CPNE7: variants seen among roughly 807,000 people sequenced by gnomAD.
CPNE7 encodes the protein copine-7.
In CPNE7, 78 loss-of-function variants were observed where a neutral mutation model predicts 66.5. The observed-to-expected ratio is 1.17, with a 90% CI of 0.98 to 1.42. The LOEUF (loss-of-function observed/expected upper bound fraction) is 1.42. Among genes scored for constraint, CPNE7 ranks in the 40% most tolerant of loss-of-function variants. CPNE7 has a pLI of 0.00. For missense variants in CPNE7, 1,012 were observed against 776.6 expected, an observed-to-expected ratio of 1.30 and a Z score of -3.60; for synonymous variants, 468 against 336.7, an observed-to-expected ratio of 1.39 and a Z score of -4.27.
At chr16:89,590,839 C>G (rs34160994) in intron 11 of CPNE7, among the ~76,000 whole-genome samples, 168 bp from the exon 12 acceptor site, 46 of 80,704 alleles carry the variant, frequency 5.7e-4, no homozygotes, top group African/African-American at 2.4e-3. Context: ...GGGGGAGCAG[C>G]TGACCGAGCC....
rs768904315 is a variant in CPNE7, at chr16:89,588,867, C to T, written c.1061+59C>T. ...TCCAGGTCAGCTATGACAGGTGCGC[C>T]TGGCCGTCTTCCCCCTCACCCCCCT... On this transcript the variant is annotated intron_variant, in intron 10 of 14. Transcript: ENST00000319518. The T allele has an allele frequency of 1.8e-5, 29 of 1,598,084 alleles. 1 individual carries two copies. The highest frequency in any genetic ancestry group is 3.3e-4 in the Middle Eastern group (2 of 6,034).
At position 89,595,588 on chromosome 16, in the gene CPNE7, C is replaced by T. The variant is rs373956985; in HGVS notation, c.1524C>T (p.Phe508=). ...GGGACATCGTACAGTTCGTGCCCTT[C>T]CGGGAGCTCAAGAACGTGAGTGTCC... is the stretch of plus-strand genomic sequence containing the variant. ...ALRDIVQFVP[F]RELKNASPAA... is the part of the protein sequence containing the mutation. The change falls in exon 14 of 15, where the codon TTC becomes TTT. Residue 508 remains phenylalanine, a synonymous_variant. Transcript: ENST00000319518. 4.7e-5 allele frequency: 76 copies of T among 1,604,026 alleles called. No individual in the cohort carries two copies. The African/African-American group carries it at 8.8e-4, about 19-fold the overall frequency.
rs764108575 is a variant in CPNE7, at chr16:89,591,117, C to T, written c.1169-10C>T. ...GCAGGGGGGCCGGGCTCACCCCCTG[C>T]CCCCCACAGGCATCCAGGGCGTGGT... is the stretch of plus-strand genomic sequence containing the variant. On this transcript the variant is annotated splice_polypyrimidine_tract_variant and intron_variant, in intron 12 of 14. Transcript: ENST00000319518. 7 of 1,612,446 alleles carry T rather than the reference C, an allele frequency of 4.3e-6. No homozygotes were observed. The highest frequency in any genetic ancestry group is 4.5e-5 in the East Asian group (2 of 44,858).
chr16:89,577,801 C>A, intron 2 of CPNE7, 80 bp downstream of exon 2: 1 of 1,444,118 alleles, frequency 6.9e-7, no homozygotes, highest in East Asian at 2.5e-5. Flanking sequence ...GTACCAGCAC[C>A]GCAGGGACCC....
chr16:89,585,707 C>A lies in CPNE7; in HGVS notation c.702C>A (p.Asp234Glu), dbSNP rs928553824. 1.3e-6 allele frequency: 2 copies of A among 1,551,094 alleles called. No homozygotes were observed. Among genetic ancestry groups the A allele is most frequent in the African/African-American group, 2.8e-5 (2 of 72,130 alleles). The stretch of plus-strand genomic sequence containing the variant: ...CCCAGTGCCTGGTCTGGGATTACGA[C>A]TCTCGAGGAAAGCACGACTTCATCG... ...RPLKCLVWDY[D>E]SRGKHDFIGE... Residue 234 changes from aspartate (D) to glutamate (E), a missense_variant, in exon 7 of 15, where the codon GAC (aspartate) becomes GAA (glutamate). Transcript: ENST00000319518.
intron 1 of CPNE7, 114 bp from the exon 2 acceptor site, chr16:89,577,425 G>C: frequency 9.3e-7 from 1 of 1,080,054 alleles, no homozygotes. Context: ...GTCTTCCCAG[G>C]GTATGAGTCC....
intron 10 of CPNE7, 122 bp downstream of exon 10, chr16:89,588,930 T>C: frequency 6.5e-6 from 8 of 1,227,856 alleles, no homozygotes; most frequent in Admixed American, 2.0e-5. Context: ...ACCCGGCCGG[T>C]TTTCCCTCAC....
At chr16:89,590,885 G>T in intron 11 of CPNE7, 122 bp from the exon 12 acceptor site, 2 of 974,764 alleles carry the variant, frequency 2.1e-6, no homozygotes, top group South Asian at 3.0e-5. Context: ...GGCGGGGACG[G>T]GGGGAGCAGC....
intron 10 of CPNE7, 58 bp downstream of exon 10, chr16:89,588,866 C>T (rs1440300656): frequency 1.9e-6 from 3 of 1,597,160 alleles, no homozygotes; most frequent in Admixed American, 1.7e-5. Flanking sequence ...GACAGGTGCG[C>T]CTGGCCGTCT....
intron 9 of CPNE7, 124 bp from the exon 10 acceptor site, chr16:89,588,551 C>G (rs2059120431): frequency 8.2e-7 from 1 of 1,223,128 alleles, no homozygotes; most frequent in African/African-American, 1.5e-5. Context: ...GCCCCCCAGC[C>G]CTACCCACCT....
intron 11 of CPNE7, among the ~76,000 whole-genome samples, chr16:89,590,546 C>T (rs909847983): frequency 2.0e-5 from 3 of 151,274 alleles, no homozygotes. Flanking sequence ...AAGAAAACAA[C>T]AAAAAACTTC....
intron 5 of CPNE7, 116 bp from the exon 6 acceptor site, chr16:89,585,348 G>A: frequency 1.4e-6 from 1 of 731,562 alleles, no homozygotes; most frequent in Non-Finnish European, 2.4e-6. Context: ...CTGGGGTGAT[G>A]CAGGGGCAGG....
At chr16:89,595,337 G>C in intron 13 of CPNE7, 30 bp from the exon 14 acceptor site, 1 of 1,528,680 alleles carries the variant, frequency 6.5e-7, no homozygotes, top group African/African-American at 1.4e-5. Flanking sequence ...GGCAGGTGTG[G>C]TGTTGCTGAT....
intron 9 of CPNE7, 74 bp downstream of exon 9, chr16:89,587,176 G>GCCCCGCCCCT (rs2059061474): frequency 1.5e-6 from 1 of 650,198 alleles, no homozygotes; most frequent in Non-Finnish European, 2.3e-6. Context: ...TCAGTCCGTG[G>GCCCCGCCCCT]CCCCGCCCCT....
chr16:89,586,860 A>G, intron 8 of CPNE7, 104 bp downstream of exon 8: 1 of 1,204,054 alleles, frequency 8.3e-7, no homozygotes, highest in East Asian at 2.4e-5. Context: ...GGTGGGCCCC[A>G]GCACGTCTGG....
intron 10 of CPNE7, 68 bp from the exon 11 acceptor site, chr16:89,589,829 C>A: frequency 1.9e-6 from 3 of 1,570,608 alleles, no homozygotes; most frequent in South Asian, 1.1e-5. Flanking sequence ...TCATGTCTCC[C>A]TAGAAGTGGC....
intron 3 of CPNE7, 77 bp from the exon 4 acceptor site, chr16:89,583,951 G>T: frequency 6.4e-7 from 1 of 1,560,768 alleles, no homozygotes; most frequent in Non-Finnish European, 8.7e-7. Context: ...GGGTCAGCCA[G>T]CCTGGGGCCT....
chr16:89,584,966 C>T lies in CPNE7; in HGVS notation c.591+109C>T, dbSNP rs940504638. On this transcript the variant is annotated intron_variant, in intron 5 of 14. Transcript: ENST00000319518. The surrounding 1 kb of genome is among the most constrained non-coding windows in gnomAD (Gnocchi z 6.0). The stretch of plus-strand genomic sequence containing the variant: ...CCAGCCTCCAACAGGGAGCTGTGGG[C>T]GCAGGGCTTTGGTGGCTGTGGCTAT... 5.8e-5 allele frequency: 59 copies of T among 1,008,782 alleles called. No individual in the cohort carries two copies. The African/African-American group carries it at 6.0e-4, about 10-fold the overall frequency. The allele number at this position is 1,008,782 out of a possible 1,614,324, so 62.5% of individuals were successfully genotyped here. A position where few individuals can be genotyped will look rare whatever the true frequency, so the allele number is the denominator to read the frequency against.
chr16:89,594,944 G>A (rs1289479797), intron 13 of CPNE7, among the ~76,000 whole-genome samples: 6 of 152,006 alleles, frequency 3.9e-5, no homozygotes, highest in East Asian at 1.9e-4. Context: ...GAACCACCGC[G>A]TCCGGCCAAC....
Sources: gnomAD v4.1 joint callset for allele counts (sites outside exome capture counted in the v4.1 genomes callset) on GRCh38, gnomAD v4.1.1 for gene constraint, Gnocchi (gnomAD v3.1) non-coding constraint, MANE v1.5 for transcripts, NCBI Gene and HGNC (gene_info 2026-07-23, HGNC 2026-07-21) for gene names.